Variants in PHF6 observed in about 807,000 individuals in gnomAD.
PHF6 encodes PHD finger protein 6.
In PHF6, 7 loss-of-function variants were observed where a neutral mutation model predicts 34.0. That is an observed-to-expected ratio of 0.21 (90% confidence interval 0.12 to 0.39). The LOEUF is 0.39. Ranked by LOEUF, PHF6 falls within the 10% of genes least tolerant of loss-of-function variation. The pLI, the probability that PHF6 is intolerant of heterozygous loss-of-function variation, is 1.00. For synonymous variants in PHF6, 89 were observed against 88.4 expected (o/e 1.01, Z -0.04); for missense variants, 128 against 262.8 (o/e 0.49, Z 3.55).
At position 134,413,475 on chromosome X, in the gene PHF6, G is replaced by A. The variant is rs767866459; in HGVS notation, c.419-16G>A. The stretch of plus-strand genomic sequence containing the variant: ...TGAGATTGGTCCATAAAAAGTTTTT[G>A]TTCATTTTTAAGCAGCTGATTTAGA... On this transcript the variant is annotated splice_polypyrimidine_tract_variant and intron_variant, in intron 5 of 10. Coordinates refer to ENST00000370803, the MANE Select transcript of PHF6 (RefSeq NM_001015877.2). 3 of 1,207,566 alleles carry A rather than the reference G, an allele frequency of 2.5e-6. No individual in the cohort carries two copies. Among genetic ancestry groups the A allele is most frequent in the South Asian group, 3.5e-5 (2 of 56,667 alleles).
rs762525123 is a variant in PHF6, at chrX:134,428,058, C to T, written c.*2398C>T. 1 of 154,606 alleles carries T rather than the reference C, an allele frequency of 6.5e-6. No individual in the cohort carries two copies. The highest frequency in any genetic ancestry group is 1.3e-5 in the Non-Finnish European group (1 of 79,161). The allele number at this position is 154,606 out of a possible 1,213,427, so 12.7% of individuals were successfully genotyped here. ...TTTACATCATTTCAAAAAATACTGC[C>T]GTTACTGTCTTTTATGCATATTTTA... On this transcript the variant is annotated 3_prime_UTR_variant, in exon 11 of 11. Coordinates refer to ENST00000370803, the MANE Select transcript of PHF6 (RefSeq NM_001015877.2).
chrX:134,415,466 G>C (rs890798082), intron 8 of PHF6, among the ~76,000 whole-genome samples: 7 of 111,603 alleles, frequency 6.3e-5, no homozygotes, highest in Non-Finnish European at 1.1e-4. Flanking sequence ...ATTTTTTTCA[G>C]GGCTTTCTGT....
chrX:134,383,672 C>T (rs773299065), intron 3 of PHF6, among the ~76,000 whole-genome samples: 1 of 111,603 alleles, frequency 9.0e-6, no homozygotes, highest in South Asian at 3.7e-4. Flanking sequence ...TGCTGATAAT[C>T]ATGTTGTGAG....
intron 9 of PHF6, chrX:134,417,519 T>C: frequency 2.7e-6 from 1 of 368,345 alleles, no homozygotes; most frequent in East Asian, 4.9e-5. Context: ...AGGCTTCCTA[T>C]GTGCCAGCCA....
intron 1 of PHF6, 108 bp from the exon 2 acceptor site, chrX:134,377,463 TA>T: frequency 3.7e-6 from 2 of 543,421 alleles, no homozygotes; most frequent in South Asian, 3.6e-5. Context: ...AATAAACATT[TA>T]AAAATGTGTA....
chrX:134,379,949 A>G (rs2077299281), intron 3 of PHF6, among the ~76,000 whole-genome samples: 1 of 111,443 alleles, frequency 9.0e-6, no homozygotes, highest in South Asian at 3.7e-4. Context: ...CATTATGACT[A>G]TCCCTGGAAA....
chrX:134,374,104 A>G (rs1376628227), intron 1 of PHF6, among the ~76,000 whole-genome samples: 1 of 109,925 alleles, frequency 9.1e-6, no homozygotes, highest in Non-Finnish European at 1.9e-5. Flanking sequence ...TTAGAGGGAG[A>G]TCTTGGGAGT....
chrX:134,421,505 T>A (rs1254777866), intron 9 of PHF6, among the ~76,000 whole-genome samples: 1 of 112,029 alleles, frequency 8.9e-6, no homozygotes, highest in Non-Finnish European at 1.9e-5. Flanking sequence ...TGATTTTAAA[T>A]ATCCAAAATC....
At chrX:134,410,946 A>G (rs901628108) in intron 5 of PHF6, among the ~76,000 whole-genome samples, 3 of 89,439 alleles carry the variant, frequency 3.4e-5, no homozygotes, top group Non-Finnish European at 4.4e-5. Context: ...TTTGCCTTTT[A>G]ACTTACCACT....
At chrX:134,389,194 A>C (rs778902729) in intron 3 of PHF6, among the ~76,000 whole-genome samples, 38 of 111,630 alleles carry the variant, frequency 3.4e-4, no homozygotes, top group Non-Finnish European at 5.1e-4. Context: ...TGAAATCAGG[A>C]TACAAGCAGG....
chrX:134,412,957 A>C (rs971854906), intron 5 of PHF6, among the ~76,000 whole-genome samples: 2 of 112,095 alleles, frequency 1.8e-5, no homozygotes, highest in Non-Finnish European at 3.8e-5. Flanking sequence ...AGTGTTATCC[A>C]GTAGAACTTT....
intron 5 of PHF6, among the ~76,000 whole-genome samples, chrX:134,406,043 T>C (rs1047870005): frequency 9.4e-6 from 1 of 106,697 alleles, no homozygotes; most frequent in Non-Finnish European, 1.9e-5. Flanking sequence ...GCCTCAATCT[T>C]AATGCCTGTC....
intron 5 of PHF6, among the ~76,000 whole-genome samples, chrX:134,400,563 G>A (rs1049140771): frequency 4.5e-5 from 5 of 110,375 alleles, no homozygotes; most frequent in Admixed American, 2.9e-4. Context: ...AAGAGGGAAC[G>A]AAGAGGATAA....
chrX:134,401,072 T>C (rs1208982744), intron 5 of PHF6, among the ~76,000 whole-genome samples: 1 of 111,487 alleles, frequency 9.0e-6, no homozygotes, highest in African/African-American at 3.3e-5. Flanking sequence ...GAGTGTGACA[T>C]AGGGATGTCA....
chrX:134,424,816 A>G (rs1055321629), intron 9 of PHF6, among the ~76,000 whole-genome samples: 1 of 112,129 alleles, frequency 8.9e-6, no homozygotes, highest in Non-Finnish European at 1.9e-5. Context: ...TAGAATATAT[A>G]TTTCCTGAAA....
At chrX:134,388,908 A>G (rs890236904) in intron 3 of PHF6, among the ~76,000 whole-genome samples, 4 of 111,547 alleles carry the variant, frequency 3.6e-5, no homozygotes, top group African/African-American at 9.8e-5. Flanking sequence ...CCTCTCATGC[A>G]TGACTTAGTT....
At chrX:134,384,963 C>G (rs1401123931) in intron 3 of PHF6, among the ~76,000 whole-genome samples, 1 of 111,626 alleles carries the variant, frequency 9.0e-6, no homozygotes, top group Admixed American at 9.5e-5. Flanking sequence ...CCTTTTCTTT[C>G]TTAATGCTAC....
chrX:134,396,417 C>G (rs1317440449), intron 5 of PHF6, among the ~76,000 whole-genome samples: 2 of 111,506 alleles, frequency 1.8e-5, no homozygotes, highest in African/African-American at 6.5e-5. Flanking sequence ...TCACTGCAAA[C>G]TATATAAAGT....
chrX:134,401,267 A>G (rs754592215), intron 5 of PHF6, among the ~76,000 whole-genome samples: 3 of 111,478 alleles, frequency 2.7e-5, no homozygotes, highest in Non-Finnish European at 3.8e-5. Context: ...TTTATGCTCC[A>G]TCTTCCTCCT....
Sources: gnomAD v4.1 joint callset for allele counts (sites outside exome capture counted in the v4.1 genomes callset) on GRCh38, gnomAD v4.1.1 for gene constraint, MANE v1.5 for transcripts, NCBI Gene and HGNC (gene_info 2026-07-23, HGNC 2026-07-21) for gene names.